Variants in NBAS observed in about 807,000 individuals in gnomAD.
NBAS encodes NBAS subunit of NRZ tethering complex.
In NBAS, 219 loss-of-function variants were observed where a neutral mutation model predicts 302.5. The ratio of observed to expected loss-of-function variants is 0.72; its 90% CI spans 0.65 to 0.81. The LOEUF (loss-of-function observed/expected upper bound fraction) is 0.81. Ranked by LOEUF, NBAS falls within the 30% of genes least tolerant of loss-of-function variation. The pLI is 0.00. For synonymous variants in NBAS, 1,118 were observed against 1,021.6 expected, an observed-to-expected ratio of 1.09 and a Z score of -1.80; for missense variants, 2,932 against 2,841.6, an observed-to-expected ratio of 1.03 and a Z score of -0.72.
chr2:15,336,232 C>G (rs1378565211), intron 35 of NBAS, among the ~76,000 whole-genome samples: 1 of 152,128 alleles, frequency 6.6e-6, no homozygotes, highest in African/African-American at 2.4e-5. Context: ...TACATGCATA[C>G]TATTAATGCA....
At chr2:15,482,381 G>C (rs896342306) in intron 12 of NBAS, among the ~76,000 whole-genome samples, 2 of 152,170 alleles carry the variant, frequency 1.3e-5, no homozygotes, top group African/African-American at 4.8e-5. Context: ...GGCTCCCAAA[G>C]TGCTGGGATT....
rs141567893 is a variant in NBAS, at chr2:15,245,137, G to A, written c.5725-6451C>T. ...AAAAACACACATCTGCTCCAGCCAC[G>A]CCTCTGCTCAAATCCGTGTAATGGC... On this transcript the variant is annotated intron_variant, in intron 44 of 51. Transcript: ENST00000281513. 2.0e-3 allele frequency among the ~76,000 whole-genome samples: 297 copies of A among 152,186 alleles called. 2 individuals are homozygous for A. Among genetic ancestry groups the A allele is most frequent in the Middle Eastern group, 6.8e-3 (2 of 294 alleles).
chr2:14,909,451 C>T, the NBAS span, among the ~76,000 whole-genome samples: 1 of 147,874 alleles, frequency 6.8e-6, no homozygotes, highest in East Asian at 2.0e-4. Context: ...CAACCAGAGG[C>T]ACCTGCTATA....
intron 48 of NBAS, among the ~76,000 whole-genome samples, chr2:15,209,304 T>C (rs927007631): frequency 5.9e-5 from 9 of 151,856 alleles, no homozygotes; most frequent in Non-Finnish European, 1.3e-4. Flanking sequence ...AAGCCATAAG[T>C]CTCCCAGTAA....
chr2:15,373,159 TAAG>T (rs770622647), intron 31 of NBAS, among the ~76,000 whole-genome samples: 82 of 152,176 alleles, frequency 5.4e-4, no homozygotes, highest in Admixed American at 5.2e-4. Context: ...TTCACAATTT[TAAG>T]AAGTTTTGAG....
At chr2:14,873,784 C>T in the NBAS span, among the ~76,000 whole-genome samples, 12 of 147,586 alleles carry the variant, frequency 8.1e-5, no homozygotes, top group African/African-American at 2.7e-4. Context: ...ACAAAAGAAA[C>T]GAAAACATGA....
the NBAS span, among the ~76,000 whole-genome samples, chr2:14,985,239 T>C: frequency 6.6e-6 from 1 of 152,166 alleles, no homozygotes; most frequent in Non-Finnish European, 1.5e-5. Context: ...TTTGGTCCTA[T>C]AATGAGAAGA....
At chr2:15,210,120 C>T (rs12473506) in intron 48 of NBAS, among the ~76,000 whole-genome samples, 15,032 of 151,922 alleles carry the variant, frequency 0.099, 1,254 homozygotes, top group East Asian at 0.32. Context: ...AAAAAAGGGA[C>T]AAATGGAATC....
At chr2:15,273,399 G>T (rs1669417994) in intron 44 of NBAS, among the ~76,000 whole-genome samples, 2 of 152,166 alleles carry the variant, frequency 1.3e-5, no homozygotes, top group East Asian at 3.9e-4. Context: ...AGGGCTCTCT[G>T]GTTCCACTGC....
At chr2:14,912,701 TTTAAAAAAAAA>T in the NBAS span, among the ~76,000 whole-genome samples, 3 of 73,664 alleles carry the variant, frequency 4.1e-5, no homozygotes, top group Admixed American at 1.1e-4. Flanking sequence ...TGCATTCATT[TTTAAAAAAAAA>T]AAAAAAAAAA....
chr2:15,096,385 G>A, the NBAS span, among the ~76,000 whole-genome samples: 6 of 152,178 alleles, frequency 3.9e-5, no homozygotes, highest in African/African-American at 1.4e-4. Flanking sequence ...CCTCTCTGGG[G>A]CTCACAATGC....
chr2:15,536,687 A>C (rs1663536275), intron 7 of NBAS, 136 bp from the exon 8 acceptor site: 8 of 834,582 alleles, frequency 9.6e-6, no homozygotes, highest in Admixed American at 7.8e-5. Flanking sequence ...TGCTCTGTAT[A>C]CTCAAGAATC....
At chr2:15,415,332 A>T (rs1676874858) in intron 25 of NBAS, among the ~76,000 whole-genome samples, 1 of 152,226 alleles carries the variant, frequency 6.6e-6, no homozygotes, top group African/African-American at 2.4e-5. Context: ...AGTAGATGGC[A>T]AACAAACTTT....
intron 47 of NBAS, among the ~76,000 whole-genome samples, chr2:15,223,867 G>GA (rs997576200): frequency 1.3e-4 from 20 of 151,314 alleles, no homozygotes; most frequent in Admixed American, 5.3e-4. Context: ...GATAAAAAAA[G>GA]AAAATCTCTC....
chr2:15,327,697 C>T lies in NBAS; in HGVS notation c.4582+53G>A, dbSNP rs989419535. On this transcript the variant is annotated intron_variant, in intron 38 of 51. Transcript: ENST00000281513. Reference sequence around the variant, plus strand: ...TGTTCATTCACAAATTTTTGGTTAACAATGTTCACCTAGAGTTACACACTG... The same window carrying T: ...TGTTCATTCACAAATTTTTGGTTAATAATGTTCACCTAGAGTTACACACTG... 3.6e-5 allele frequency: 58 copies of T among 1,606,866 alleles called. No individual in the cohort carries two copies. In the Middle Eastern group the frequency reaches 6.6e-4, roughly 18 times the overall value.
chr2:15,237,146 A>G (rs1046582285), intron 45 of NBAS, among the ~76,000 whole-genome samples: 6 of 152,364 alleles, frequency 3.9e-5, no homozygotes, highest in Admixed American at 2.6e-4. Context: ...TCATATATAT[A>G]AGCACTGTTT....
At chr2:15,309,289 AT>A (rs755130428) in intron 38 of NBAS, 42 bp from the exon 39 acceptor site, 2 of 1,496,908 alleles carry the variant, frequency 1.3e-6, no homozygotes, top group Admixed American at 3.4e-5. Flanking sequence ...GAGGTTGCAT[AT>A]GATATTCATA....
At chr2:14,882,672 G>T in the NBAS span, among the ~76,000 whole-genome samples, 1 of 152,146 alleles carries the variant, frequency 6.6e-6, no homozygotes, top group Non-Finnish European at 1.5e-5. Flanking sequence ...CCCACCAAAT[G>T]ATTTCTCATC....
the NBAS span, among the ~76,000 whole-genome samples, chr2:15,013,034 C>A: frequency 6.6e-6 from 1 of 152,070 alleles, no homozygotes; most frequent in Non-Finnish European, 1.5e-5. Context: ...ATTTTTGTGT[C>A]TTTTTGCAGA....
Sources: allele counts gnomAD v4.1 joint callset (sites outside exome capture counted in the v4.1 genomes callset), GRCh38; gene constraint gnomAD v4.1.1; transcripts MANE v1.5; gene names NCBI Gene and HGNC (gene_info 2026-07-23, HGNC 2026-07-21).